The following ATP2B2 variants were observed in gnomAD, a reference collection of about 807,000 sequenced individuals.
ATP2B2 encodes the protein plasma membrane calcium-transporting ATPase 2.
Under a neutral mutation model 120.0 loss-of-function variants are expected in ATP2B2, and 15 were observed. The ratio of observed to expected loss-of-function variants is 0.12; its 90% CI spans 0.08 to 0.19. ATP2B2 has a LOEUF of 0.19. Among genes scored for constraint, ATP2B2 ranks in the 10% least tolerant of loss-of-function variants. The pLI is 1.00. For missense variants in ATP2B2, 1,045 were observed against 1,719.8 expected, an observed-to-expected ratio of 0.61 and a Z score of 6.94; for synonymous variants, 694 against 700.3, an observed-to-expected ratio of 0.99 and a Z score of 0.14.
rs761074058 is a variant in ATP2B2 at position 10,371,780 on chromosome 3, G to A, written c.1659+29C>T. ...GTACCATCCCATGGATGTTGCTCCA[G>A]GTGGTGGATGTGCCTGGTCCACACT... On this transcript the variant is annotated intron_variant, in intron 12 of 22. Coordinates refer to ENST00000360273, the MANE Select transcript of ATP2B2 (RefSeq NM_001001331.4). The A allele has an allele frequency of 2.4e-5, 39 of 1,613,990 alleles. No homozygotes were observed. In the Admixed American group the frequency reaches 6.2e-4, roughly 26 times the overall value.
At chr3:10,572,257 C>A (rs868746300) in intron 2 of ATP2B2, among the ~76,000 whole-genome samples, 2 of 152,200 alleles carry the variant, frequency 1.3e-5, no homozygotes, top group East Asian at 1.9e-4. Flanking sequence ...GGCTGAAGAA[C>A]TATGGTTGTT....
At position 10,342,045 on chromosome 3, in the gene ATP2B2, T is replaced by A. The variant is rs1326743727; in HGVS notation, c.2917+707A>T. On this transcript the variant is annotated intron_variant, in intron 19 of 22. Coordinates refer to ENST00000360273, the MANE Select transcript of ATP2B2 (RefSeq NM_001001331.4). This position sits in a 1 kb window ranked among gnomAD's most constrained non-coding sequence, Gnocchi z 4.4. The stretch of plus-strand genomic sequence containing the variant: ...CTGCGGGCCAGACCCTTCCCCTCTC[T>A]GGGCCTCTGTTTCCCCATCTGTGAC... Among the ~76,000 whole-genome samples, 1 of 152,254 alleles carries A rather than the reference T, an allele frequency of 6.6e-6. No individual in the cohort carries two copies. The highest frequency in any genetic ancestry group is 1.5e-5 in the Non-Finnish European group (1 of 68,046).
intron 2 of ATP2B2, among the ~76,000 whole-genome samples, chr3:10,541,302 CT>C (rs2067434494): frequency 6.6e-6 from 1 of 151,998 alleles, no homozygotes; most frequent in Admixed American, 6.6e-5. Flanking sequence ...TTCCTTTCTT[CT>C]GTTTGGTTTG....
rs1034702688 is a variant in ATP2B2 at position 10,378,549 on chromosome 3, G to A, written c.1043-139C>T. 9.3e-6 allele frequency: 11 copies of A among 1,180,190 alleles called. No homozygotes were observed. In the African/African-American group the frequency reaches 1.5e-4, roughly 16 times the overall value. 73.1% of individuals were successfully genotyped at this position (1,180,190 alleles called of 1,614,324 possible). On this transcript the variant is annotated intron_variant, in intron 9 of 22. Coordinates refer to ENST00000360273, the MANE Select transcript of ATP2B2 (RefSeq NM_001001331.4). ...GACTGCCTGGACTGAGCCCCGCATG[G>A]CTGGTGCAGAAGTCCTGTGATGGGG...
At chr3:10,463,381 C>A (rs184835002) in intron 1 of ATP2B2, among the ~76,000 whole-genome samples, 1 of 152,276 alleles carries the variant, frequency 6.6e-6, no homozygotes, top group East Asian at 1.9e-4. Context: ...GTGACACCTG[C>A]CTTTCAAAGC....
chr3:10,676,660 T>C (rs2071253242), intron 1 of ATP2B2, among the ~76,000 whole-genome samples: 1 of 152,206 alleles, frequency 6.6e-6, no homozygotes, highest in Non-Finnish European at 1.5e-5. Context: ...AATGGCTCTT[T>C]GGTCCATCAA....
chr3:10,439,458 C>A (rs2063583774), intron 2 of ATP2B2, among the ~76,000 whole-genome samples: 1 of 152,138 alleles, frequency 6.6e-6, no homozygotes, highest in Admixed American at 6.5e-5. Flanking sequence ...CCCGCAAAGA[C>A]CAACTTCGCC....
At chr3:10,421,186 C>A (rs1490582330) in intron 2 of ATP2B2, among the ~76,000 whole-genome samples, 4 of 152,188 alleles carry the variant, frequency 2.6e-5, no homozygotes, top group Non-Finnish European at 4.4e-5. Flanking sequence ...CTAATACTTG[C>A]CAGGTGCTTT....
At chr3:10,432,755 G>A (rs1283978785) in intron 2 of ATP2B2, among the ~76,000 whole-genome samples, 2 of 152,244 alleles carry the variant, frequency 1.3e-5, no homozygotes, top group Non-Finnish European at 2.9e-5. Context: ...CCTGGGACCT[G>A]TCTCTTGACA....
chr3:10,449,556 C>A lies in ATP2B2; in HGVS notation c.-13G>T. On this transcript the variant is annotated 5_prime_UTR_variant, in exon 2 of 23. Transcript: ENST00000360273. ...TCATGTCACCCATGTTTGCTGCGGT[C>A]CTTGCTCGGGCTGGGCCCAAGGGTC... 2 of 1,614,226 alleles carry A rather than the reference C, an allele frequency of 1.2e-6. No individual in the cohort carries two copies. The highest frequency in any genetic ancestry group is 2.2e-5 in the South Asian group (2 of 91,074).
chr3:10,519,144 G>A (rs2066932658), intron 3 of ATP2B2, among the ~76,000 whole-genome samples: 1 of 152,240 alleles, frequency 6.6e-6, no homozygotes, highest in Non-Finnish European at 1.5e-5. Context: ...TAGGCAGCTT[G>A]CCCAAGGTCA....
At position 10,338,349 on chromosome 3, in the gene ATP2B2, T is replaced by C. The variant is rs1377740348; in HGVS notation, c.3247A>G (p.Thr1083Ala). 1.2e-6 allele frequency: 2 copies of C among 1,614,022 alleles called. No homozygotes were observed. The highest frequency in any genetic ancestry group is 4.5e-5 in the East Asian group (2 of 44,876). Residue 1083 changes from threonine (T) to alanine (A), a missense_variant, in exon 22 of 23, where the codon ACC (threonine) becomes GCC (alanine). Thr to Ala is a moderately conservative substitution (Grantham distance 58). This residue lies in a region of ATP2B2 where 211 missense variants were observed against 385.1 expected (regional missense o/e 0.55). Coordinates refer to ENST00000360273, the MANE Select transcript of ATP2B2 (RefSeq NM_001001331.4). Reference protein sequence around the residue: ...GELVWGQVIATIPTSRLKFLK... With the variant: ...GELVWGQVIAAIPTSRLKFLK... Reference sequence around the variant, plus strand: ...AACTTGAGTCTGCTGGTCGGGATGGTGGCGATGACCTGCAAGGGACCCTGT... The same window carrying C: ...AACTTGAGTCTGCTGGTCGGGATGGCGGCGATGACCTGCAAGGGACCCTGT...
chr3:10,375,350 C>T lies in ATP2B2; in HGVS notation c.1416+80G>A. 7.6e-7 allele frequency: 1 copy of T among 1,307,440 alleles called. No homozygotes were observed. The highest frequency in any genetic ancestry group is 1.1e-6 in the Non-Finnish European group (1 of 915,596). 81.0% of individuals were successfully genotyped at this position (1,307,440 alleles called of 1,614,324 possible). On this transcript the variant is annotated intron_variant, in intron 11 of 22. Coordinates refer to ENST00000360273, the MANE Select transcript of ATP2B2 (RefSeq NM_001001331.4). The surrounding 1 kb of genome is among the most constrained non-coding windows in gnomAD (Gnocchi z 4.2). Reference sequence around the variant, plus strand: ...GGCTTCTTCGTTCATCTCCCAACCCCAGCACCAGCCCCAGTGATTCCCCCA... The same window carrying T: ...GGCTTCTTCGTTCATCTCCCAACCCTAGCACCAGCCCCAGTGATTCCCCCA...
chr3:10,570,107 G>C (rs189385731), intron 2 of ATP2B2: 37 of 152,340 alleles, frequency 2.4e-4, no homozygotes, highest in African/African-American at 8.7e-4. Context: ...CCCATCTTGT[G>C]ACTCAGAACC....
chr3:10,395,940 C>A (rs2062021124), intron 5 of ATP2B2, among the ~76,000 whole-genome samples: 2 of 152,184 alleles, frequency 1.3e-5, no homozygotes, highest in South Asian at 4.1e-4. Flanking sequence ...TTACTCTGTC[C>A]CGTTTGAAGA....
chr3:10,615,757 A>G (rs1252769678), intron 2 of ATP2B2, among the ~76,000 whole-genome samples: 1 of 152,038 alleles, frequency 6.6e-6, no homozygotes, highest in Admixed American at 6.5e-5. Flanking sequence ...TATTTTTTAT[A>G]TTCAGATTTT....
At chr3:10,515,615 C>A (rs1025230218) in intron 3 of ATP2B2, among the ~76,000 whole-genome samples, 1 of 152,110 alleles carries the variant, frequency 6.6e-6, no homozygotes, top group Non-Finnish European at 1.5e-5. Flanking sequence ...CCAGAACTAC[C>A]CGGGCTAGAG....
chr3:10,554,764 T>G (rs1269650084), intron 2 of ATP2B2, among the ~76,000 whole-genome samples: 1 of 152,224 alleles, frequency 6.6e-6, no homozygotes, highest in African/African-American at 2.4e-5. Flanking sequence ...AAGCAGGGCC[T>G]TGAAGATCAC....
intron 5 of ATP2B2, chr3:10,394,596 G>A (rs1335110914): frequency 2.2e-6 from 1 of 454,280 alleles, no homozygotes; most frequent in South Asian, 1.6e-5. Context: ...TGCAGTCACG[G>A]TGTCGTCCTA....
Sources: allele counts gnomAD v4.1 joint callset (sites outside exome capture counted in the v4.1 genomes callset), GRCh38; gene constraint gnomAD v4.1.1; regional missense constraint gnomAD v4.1.1; non-coding constraint Gnocchi (gnomAD v3.1); transcripts MANE v1.5; gene names NCBI Gene and HGNC (gene_info 2026-07-23, HGNC 2026-07-21).